Variants in KAZN observed in about 807,000 individuals in gnomAD.
KAZN encodes kazrin, periplakin interacting protein.
KAZN carries 40 observed loss-of-function variants against 87.4 expected under a neutral mutation model. The observed-to-expected ratio is 0.46, with a 90% CI of 0.36 to 0.60. KAZN has a LOEUF of 0.60. Among genes scored for constraint, KAZN ranks in the 20% least tolerant of loss-of-function variants. The probability of loss-of-function intolerance (pLI) is 0.00; values close to 1 mark genes in which losing one functional copy is unlikely to be tolerated. For synonymous variants in KAZN, 466 were observed against 458.3 expected (o/e 1.02, Z -0.22); for missense variants, 898 against 1,073.9 (o/e 0.84, Z 2.29).
In KAZN at chr1:14,974,821, C is replaced by T. The variant is rs193179628; in HGVS notation, c.418+13946C>T. On this transcript the variant is annotated intron_variant, in intron 2 of 14. Transcript: ENST00000376030. ...GCTTATTGCAGAGGGTAGGCAGAAA[C>T]TGGGTGATGGGTATTTTCACTGTCT... is the stretch of plus-strand genomic sequence containing the variant. 2.3e-3 allele frequency among the ~76,000 whole-genome samples: 345 copies of T among 152,288 alleles called. 2 individuals carry two copies. The highest frequency in any genetic ancestry group is 9.6e-4 in the East Asian group (5 of 5,188).
chr1:14,722,788 C>T (rs10927519), intron 1 of KAZN, among the ~76,000 whole-genome samples: 1 of 152,114 alleles, frequency 6.6e-6, no homozygotes, highest in Admixed American at 6.5e-5. Flanking sequence ...TTCCCCAGCC[C>T]CTGTTCCTAC....
At chr1:14,783,156 G>A (rs1645407027) in intron 1 of KAZN, among the ~76,000 whole-genome samples, 1 of 152,188 alleles carries the variant, frequency 6.6e-6, no homozygotes, top group Admixed American at 6.5e-5. Context: ...ATGTGATGAG[G>A]CTGATATTTG....
chr1:14,872,230 TG>T lies in KAZN; in HGVS notation c.227-88451del, dbSNP rs546846591. 2.6e-4 allele frequency among the ~76,000 whole-genome samples: 39 copies of T among 152,246 alleles called. No individual in the cohort carries two copies. In the East Asian group the frequency reaches 7.3e-3, roughly 29 times the overall value. ...TGGGTTTGTTTTCTTGTCTGCAAAA[TG>T]GGATATAATAAACTACTACTTTAGG... On this transcript the variant is annotated intron_variant, in intron 1 of 14. Coordinates refer to ENST00000376030, the MANE Select transcript of KAZN (RefSeq NM_201628.3).
chr1:14,376,339 A>C (rs572114966), intron 2 of KAZN, among the ~76,000 whole-genome samples: 90 of 152,242 alleles, frequency 5.9e-4, no homozygotes, highest in African/African-American at 2.1e-3. Context: ...GACCATTAGG[A>C]GGTAACTAGG....
chr1:14,951,746 G>A (rs1028277985), intron 1 of KAZN, among the ~76,000 whole-genome samples: 3 of 152,106 alleles, frequency 2.0e-5, no homozygotes, highest in Non-Finnish European at 4.4e-5. Context: ...CCAAAGTGCT[G>A]GGATTAAGGC....
chr1:14,536,096 A>G (rs528004752), intron 2 of KAZN, among the ~76,000 whole-genome samples: 16 of 152,346 alleles, frequency 1.1e-4, no homozygotes, highest in Middle Eastern at 3.4e-3. Context: ...TGGCTTGGGT[A>G]ACATGCAGGC....
chr1:13,992,708 G>A (rs1034363479), intron 1 of KAZN, among the ~76,000 whole-genome samples: 6 of 152,088 alleles, frequency 3.9e-5, no homozygotes, highest in African/African-American at 1.4e-4. Flanking sequence ...GCAGGGGAAC[G>A]GGGGATTGAC....
chr1:14,176,101 C>G (rs1482562474), intron 1 of KAZN, among the ~76,000 whole-genome samples: 1 of 152,192 alleles, frequency 6.6e-6, no homozygotes, highest in Non-Finnish European at 1.5e-5. Context: ...GCACCTATTT[C>G]CACTTAGGGT....
Position 14,117,560 on chromosome 1 carries a change from A to G in KAZN, c.92-62875A>G, listed in dbSNP as rs539294244. ...GACTAATACACCTCCCAAAGGCCCCACCTCCAAATACCATTACACTGGGGG... is the reference window on the plus strand; with the variant it reads ...GACTAATACACCTCCCAAAGGCCCCGCCTCCAAATACCATTACACTGGGGG... On this transcript the variant is annotated intron_variant, in intron 1 of 16. Transcript: ENST00000636203. Among the ~76,000 whole-genome samples, 3 of 152,128 alleles carry G rather than the reference A, an allele frequency of 2.0e-5. No individual in the cohort carries two copies. In the South Asian group the frequency reaches 6.2e-4, roughly 32 times the overall value.
At chr1:14,093,226 C>T (rs1644048881) in intron 1 of KAZN, among the ~76,000 whole-genome samples, 1 of 152,224 alleles carries the variant, frequency 6.6e-6, no homozygotes, top group South Asian at 2.1e-4. Context: ...TTAAATCCCT[C>T]CATCCTTTGC....
At chr1:14,617,619 G>T (rs561696845) in intron 1 of KAZN, among the ~76,000 whole-genome samples, 1 of 152,320 alleles carries the variant, frequency 6.6e-6, no homozygotes, top group African/African-American at 2.4e-5. Context: ...GTGAATCCCG[G>T]TGATAAGTGC....
chr1:14,857,323 G>C (rs190317921), intron 1 of KAZN, among the ~76,000 whole-genome samples: 41 of 152,192 alleles, frequency 2.7e-4, no homozygotes, highest in African/African-American at 9.4e-4. Context: ...TCAGGAGTTC[G>C]AGACCAGCCT....
intron 1 of KAZN, among the ~76,000 whole-genome samples, chr1:14,842,230 C>T (rs1648104612): frequency 6.6e-6 from 1 of 152,246 alleles, no homozygotes; most frequent in African/African-American, 2.4e-5. Context: ...TAAACCATGC[C>T]TGGCACATAA....
chr1:15,097,247 T>C (rs1405297289), intron 10 of KAZN, among the ~76,000 whole-genome samples: 19 of 152,162 alleles, frequency 1.2e-4, no homozygotes. Flanking sequence ...TTTCACTGTG[T>C]TGGGTTGGTG....
At chr1:14,205,562 T>C (rs991205662) in intron 2 of KAZN, among the ~76,000 whole-genome samples, 1 of 152,128 alleles carries the variant, frequency 6.6e-6, no homozygotes, top group Non-Finnish European at 1.5e-5. Context: ...ATAGCCAGCA[T>C]TGCGAAAACA....
Position 14,599,231 on chromosome 1 carries a change from C to T in KAZN, c.226+8C>T. Reference sequence around the variant, plus strand: ...CCCAGCTTGGAGCGCAAGGTAGGATCGCCCCGGCGCCCAGGGCGGAGGAAG... The same window carrying T: ...CCCAGCTTGGAGCGCAAGGTAGGATTGCCCCGGCGCCCAGGGCGGAGGAAG... On this transcript the variant is annotated splice_region_variant and intron_variant, in intron 1 of 14. Coordinates refer to ENST00000376030, the MANE Select transcript of KAZN (RefSeq NM_201628.3). The surrounding 1 kb of genome is among the most constrained non-coding windows in gnomAD (Gnocchi z 4.4). The T allele has an allele frequency of 7.3e-7, 1 of 1,366,530 alleles. No homozygotes were observed. 84.7% of individuals were successfully genotyped at this position (1,366,530 alleles called of 1,614,324 possible).
At chr1:14,934,457 T>A (rs7542297) in intron 1 of KAZN, among the ~76,000 whole-genome samples, 4 of 150,794 alleles carry the variant, frequency 2.7e-5, no homozygotes, top group African/African-American at 9.7e-5. Flanking sequence ...CACCTGCCTT[T>A]GCCTCCCAAA....
At chr1:14,977,691 C>T (rs921549965) in intron 2 of KAZN, among the ~76,000 whole-genome samples, 3 of 152,184 alleles carry the variant, frequency 2.0e-5, no homozygotes, top group African/African-American at 7.2e-5. Flanking sequence ...TCACTTCCTT[C>T]AGGTGCAGAA....
At chr1:14,264,707 A>G (rs952316898) in intron 2 of KAZN, among the ~76,000 whole-genome samples, 1 of 152,222 alleles carries the variant, frequency 6.6e-6, no homozygotes, top group Non-Finnish European at 1.5e-5. Flanking sequence ...TAAATTACCC[A>G]TCTGTAGTAT....
Sources: allele counts gnomAD v4.1 joint callset (sites outside exome capture counted in the v4.1 genomes callset), GRCh38; gene constraint gnomAD v4.1.1; non-coding constraint Gnocchi (gnomAD v3.1); transcripts MANE v1.5; gene names NCBI Gene and HGNC (gene_info 2026-07-23, HGNC 2026-07-21).